TRMT13: variants seen among roughly 807,000 people sequenced by gnomAD.
TRMT13 encodes tRNA:m(4)X modification enzyme TRM13 homolog.
A neutral mutation model predicts 55.9 loss-of-function variants in TRMT13; 45 were observed. That is an observed-to-expected ratio of 0.80 (90% CI 0.63 to 1.03). TRMT13 has a LOEUF of 1.03. Among genes scored for constraint, TRMT13 ranks in the 50% least tolerant of loss-of-function variants. The pLI is 0.00. For missense variants in TRMT13, 513 were observed against 563.9 expected (o/e 0.91, Z 0.91); for synonymous variants, 183 against 196.3 (o/e 0.93, Z 0.57).
chr1:100,134,135 G>A (rs1032121180), intron 1 of TRMT13, among the ~76,000 whole-genome samples: 1 of 152,054 alleles, frequency 6.6e-6, no homozygotes, highest in African/African-American at 2.4e-5. Flanking sequence ...GGAATGGGAA[G>A]GAAAGATTTT....
intron 1 of TRMT13, among the ~76,000 whole-genome samples, chr1:100,135,985 G>C (rs1196738356): frequency 6.6e-6 from 1 of 152,110 alleles, no homozygotes; most frequent in Non-Finnish European, 1.5e-5. Context: ...ATGGTAACAT[G>C]CTGTACAGGT....
chr1:100,141,480 C>T (rs933437620), intron 7 of TRMT13, among the ~76,000 whole-genome samples: 3 of 152,110 alleles, frequency 2.0e-5, no homozygotes, highest in African/African-American at 7.2e-5. Flanking sequence ...TAGTCCCACG[C>T]CACCATGCCC....
chr1:100,143,060 A>C, intron 7 of TRMT13, 77 bp from the exon 8 acceptor site: 1 of 982,168 alleles, frequency 1.0e-6, no homozygotes. Context: ...TTTGAAAACC[A>C]ATAAAAATCT....
intron 9 of TRMT13, 80 bp downstream of exon 9, chr1:100,144,223 T>A (rs1353247975): frequency 1.0e-6 from 1 of 956,416 alleles, no homozygotes; most frequent in African/African-American, 1.6e-5. Context: ...CAGTGGTCTC[T>A]TTTGAATAGA....
rs1657838389 is a variant in TRMT13, at chr1:100,150,180, C to T, written c.*1360C>T. 1 of 152,162 alleles carries T rather than the reference C, an allele frequency of 6.6e-6. No homozygotes were observed. Among genetic ancestry groups the T allele is most frequent in the African/African-American group, 2.4e-5 (1 of 41,438 alleles). The allele number at this position is 152,162 out of a possible 1,614,324, so 9.4% of individuals were successfully genotyped here. On this transcript the variant is annotated 3_prime_UTR_variant, in exon 11 of 11. Coordinates refer to ENST00000370141, the MANE Select transcript of TRMT13 (RefSeq NM_019083.3). ...GTAAAATGCATAGAACAGTTCCAAG[C>T]ACAGAGTAATTCAATAAATATTAAC...
At position 100,140,462 on chromosome 1, in the gene TRMT13, C is replaced by A. The variant is rs770979011; in HGVS notation, c.449C>A (p.Ala150Glu). 8 of 1,614,082 alleles carry A rather than the reference C, an allele frequency of 5.0e-6. No individual in the cohort carries two copies. ...HIMSHPALHDALNDPKNGDSA... is the reference protein window; with the variant it reads ...HIMSHPALHDELNDPKNGDSA... ...ATGTCCCATCCAGCATTACACGATG[C>A]ACTTAATGACCCTAAAAATGGCGAT... The change falls in exon 6 of 11, where the codon GCA (alanine) becomes GAA (glutamate). Residue 150 changes from alanine (A) to glutamate (E), a missense_variant. Transcript: ENST00000370141.
At chr1:100,134,260 T>C (rs943477209) in intron 1 of TRMT13, among the ~76,000 whole-genome samples, 1 of 152,160 alleles carries the variant, frequency 6.6e-6, no homozygotes, top group African/African-American at 2.4e-5. Context: ...TGTATATTAC[T>C]TTAGGATATA....
chr1:100,147,091 CTAATGAT>C (rs926182565), intron 9 of TRMT13, among the ~76,000 whole-genome samples: 4 of 152,112 alleles, frequency 2.6e-5, no homozygotes, highest in African/African-American at 9.7e-5. Context: ...ACATGACAAT[CTAATGAT>C]TAAGAAGATA....
At position 100,140,674 on chromosome 1, in the gene TRMT13, A is replaced by G. The variant is rs574550494; in HGVS notation, c.501+160A>G. The G allele has an allele frequency of 3.6e-6, 3 of 831,086 alleles. No homozygotes were observed. The South Asian group carries it at 5.6e-5, about 16-fold the overall frequency. The allele number at this position is 831,086 out of a possible 1,614,324, so 51.5% of individuals were successfully genotyped here. ...GAAACATATACAAAAAATTGAGGGC[A>G]TGGATGTGATTCTGAGTACCGTATA... On this transcript the variant is annotated intron_variant, in intron 6 of 10. Transcript: ENST00000370141.
chr1:100,141,478 C>G (rs145631564), intron 7 of TRMT13, among the ~76,000 whole-genome samples: 1 of 152,084 alleles, frequency 6.6e-6, no homozygotes, highest in Non-Finnish European at 1.5e-5. Context: ...TATAGTCCCA[C>G]GCCACCATGC....
intron 3 of TRMT13, among the ~76,000 whole-genome samples, chr1:100,138,257 G>A (rs1267103835): frequency 2.0e-5 from 3 of 152,090 alleles, no homozygotes. Context: ...TTTAAATTTT[G>A]TATACTAAAT....
At chr1:100,147,235 G>A (rs1371380685) in intron 9 of TRMT13, among the ~76,000 whole-genome samples, 1 of 152,206 alleles carries the variant, frequency 6.6e-6, no homozygotes, top group East Asian at 1.9e-4. Context: ...TCATTGTAAT[G>A]TGGAGTACAT....
chr1:100,147,131 T>C (rs1192672739), intron 9 of TRMT13, among the ~76,000 whole-genome samples: 1 of 152,332 alleles, frequency 6.6e-6, no homozygotes, highest in Non-Finnish European at 1.5e-5. Flanking sequence ...TTTGGGTCTT[T>C]CCAGTATTGT....
At chr1:100,137,300 A>G (rs2101720131) in intron 3 of TRMT13, among the ~76,000 whole-genome samples, 1 of 152,230 alleles carries the variant, frequency 6.6e-6, no homozygotes, top group Admixed American at 6.5e-5. Flanking sequence ...GACTCAAGCA[A>G]TCCTCTCACC....
Position 100,148,821 on chromosome 1 carries a change from T to G in TRMT13, c.*1T>G. On this transcript the variant is annotated 3_prime_UTR_variant, in exon 11 of 11. Transcript: ENST00000370141. ...TTCATCACCAGAAACAACTGCTTAA[T>G]GGAAAAGAAATTTGAGCATCATCTG... is the stretch of plus-strand genomic sequence containing the variant. The G allele has an allele frequency of 6.9e-7, 1 of 1,451,948 alleles. No individual in the cohort carries two copies. The highest frequency in any genetic ancestry group is 9.1e-7 in the Non-Finnish European group (1 of 1,102,692). The allele number at this position is 1,451,948 out of a possible 1,614,324, so 89.9% of individuals were successfully genotyped here.
chr1:100,150,096 A>T lies in TRMT13; in HGVS notation c.*1276A>T, dbSNP rs1444491601. ...TCCTCCTTTTAAAATGGGGATGATG[A>T]TGATAACAATAATACCTACCTCACA... is the stretch of plus-strand genomic sequence containing the variant. On this transcript the variant is annotated 3_prime_UTR_variant, in exon 11 of 11. Coordinates refer to ENST00000370141, the MANE Select transcript of TRMT13 (RefSeq NM_019083.3). The T allele has an allele frequency of 1.3e-5, 2 of 152,464 alleles. No homozygotes were observed. The highest frequency in any genetic ancestry group is 4.8e-5 in the African/African-American group (2 of 41,426). 9.4% of individuals were successfully genotyped at this position (152,464 alleles called of 1,614,324 possible).
At chr1:100,137,804 C>A (rs142883936) in intron 3 of TRMT13, among the ~76,000 whole-genome samples, 172 of 152,320 alleles carry the variant, frequency 1.1e-3, no homozygotes, top group African/African-American at 3.9e-3. Context: ...AAATGCCTCC[C>A]AGTTGAGAAC....
chr1:100,138,526 CA>C (rs1444063708), intron 3 of TRMT13, among the ~76,000 whole-genome samples: 9 of 152,206 alleles, frequency 5.9e-5, no homozygotes, highest in Non-Finnish European at 1.0e-4. Flanking sequence ...TCCACTCAAT[CA>C]CCAGTTTCCA....
At chr1:100,146,763 G>A (rs1056194501) in intron 9 of TRMT13, among the ~76,000 whole-genome samples, 10 of 152,150 alleles carry the variant, frequency 6.6e-5, no homozygotes, top group African/African-American at 1.9e-4. Context: ...CTCAGCCGGC[G>A]TGAGCTACTG....
Sources: allele counts gnomAD v4.1 joint callset (sites outside exome capture counted in the v4.1 genomes callset), GRCh38; gene constraint gnomAD v4.1.1; transcripts MANE v1.5; gene names NCBI Gene and HGNC (gene_info 2026-07-23, HGNC 2026-07-21).